Variants in ANKRD30A observed in about 807,000 individuals in gnomAD.
ANKRD30A encodes ankyrin repeat domain 30A.
In ANKRD30A, 170 loss-of-function variants were observed where a neutral mutation model predicts 166.3. That is an observed-to-expected ratio of 1.02 (90% CI 0.90 to 1.16). The LOEUF (loss-of-function observed/expected upper bound fraction) is 1.16, where lower values mean the gene tolerates loss of function less well. Ranked by LOEUF, ANKRD30A falls within the 50% of genes most tolerant of loss-of-function variation. The pLI is 0.00. For missense variants in ANKRD30A, 1,630 were observed against 1,518.0 expected, an observed-to-expected ratio of 1.07 and a Z score of -1.23; for synonymous variants, 564 against 508.9, an observed-to-expected ratio of 1.11 and a Z score of -1.46.
chr10:37,159,462 G>T (rs775004804), intron 15 of ANKRD30A, among the ~76,000 whole-genome samples: 1 of 152,088 alleles, frequency 6.6e-6, no homozygotes, highest in Non-Finnish European at 1.5e-5. Flanking sequence ...AAGTTGCAGT[G>T]AGCCGTCCTT....
intron 6 of ANKRD30A, among the ~76,000 whole-genome samples, chr10:37,139,531 T>A (rs371236306): frequency 2.6e-5 from 4 of 152,266 alleles, no homozygotes; most frequent in African/African-American, 9.6e-5. Flanking sequence ...TACCTTCCTT[T>A]GTATCCACTT....
intron 24 of ANKRD30A, chr10:37,178,406 C>T (rs1839902220): frequency 1.7e-6 from 1 of 577,288 alleles, no homozygotes; most frequent in South Asian, 6.8e-5. Flanking sequence ...AGCTGAAAAC[C>T]TTGTTAACAA....
the ANKRD30A span, among the ~76,000 whole-genome samples, chr10:37,258,811 A>C: frequency 3.3e-5 from 5 of 151,718 alleles, no homozygotes; most frequent in Admixed American, 3.3e-4. Context: ...AAAATACAAA[A>C]AATTAGCCAG....
intron 24 of ANKRD30A, among the ~76,000 whole-genome samples, chr10:37,179,556 T>G (rs1186461517): frequency 6.6e-6 from 1 of 150,464 alleles, no homozygotes; most frequent in Non-Finnish European, 1.5e-5. Context: ...TTATATTTAA[T>G]ATTATGCTCT....
At chr10:37,183,189 GA>G (rs1840151066) in intron 24 of ANKRD30A, among the ~76,000 whole-genome samples, 1 of 149,086 alleles carries the variant, frequency 6.7e-6, no homozygotes, top group Non-Finnish European at 1.5e-5. Context: ...ACACGAATTG[GA>G]AAAGTCCTAC....
chr10:37,240,856 G>T, the ANKRD30A span: 2 of 151,960 alleles, frequency 1.3e-5, no homozygotes, highest in African/African-American at 2.4e-5. Flanking sequence ...GTTTTTTCAG[G>T]TTATATAATA....
chr10:37,201,107 T>A (rs1285342890), intron 30 of ANKRD30A, 128 bp from the exon 31 acceptor site: 1 of 618,258 alleles, frequency 1.6e-6, no homozygotes, highest in East Asian at 4.4e-5. Flanking sequence ...TATACGTGTC[T>A]GCTCTTAAGT....
chr10:37,178,268 C>G (rs1392278696), intron 24 of ANKRD30A, among the ~76,000 whole-genome samples: 3 of 151,256 alleles, frequency 2.0e-5, no homozygotes, highest in Admixed American at 1.3e-4. Context: ...GGGATGGAAG[C>G]ACCTGACCAT....
chr10:37,140,451 G>A (rs1837020297), intron 6 of ANKRD30A, among the ~76,000 whole-genome samples: 1 of 152,218 alleles, frequency 6.6e-6, no homozygotes, highest in Non-Finnish European at 1.5e-5. Flanking sequence ...ACTGAATGCA[G>A]AAGTCAGAAA....
At chr10:37,159,513 A>G (rs900091082) in intron 15 of ANKRD30A, among the ~76,000 whole-genome samples, 12 of 152,130 alleles carry the variant, frequency 7.9e-5, no homozygotes, top group Non-Finnish European at 1.6e-4. Flanking sequence ...ACTCCATCTG[A>G]AAAAGCAAAG....
At chr10:37,233,193 A>G (rs1454261292), downstream of ANKRD30A, among the ~76,000 whole-genome samples, 2 of 152,128 alleles carry the variant, frequency 1.3e-5, no homozygotes, top group Admixed American at 1.3e-4. Context: ...CAATTAAATG[A>G]TTGTTTTAAT....
Position 37,192,999 on chromosome 10 carries a change from G to A in ANKRD30A, c.2513-65G>A, listed in dbSNP as rs192979318. The A allele has an allele frequency of 2.3e-3, 3,551 of 1,539,428 alleles. 87 individuals are homozygous for A. The African/African-American group carries it at 0.036, about 15-fold the overall frequency. On this transcript the variant is annotated intron_variant, in intron 25 of 35. Coordinates refer to ENST00000361713, the MANE Select transcript of ANKRD30A (RefSeq NM_052997.3). Reference sequence around the variant, plus strand: ...GGATTCATCTTCATGTTGACAGTGCGTGAATGTTCGGTAGGCTTTGTCAAG... The same window carrying A: ...GGATTCATCTTCATGTTGACAGTGCATGAATGTTCGGTAGGCTTTGTCAAG...
At chr10:37,158,780 A>G (rs1040067776) in intron 15 of ANKRD30A, among the ~76,000 whole-genome samples, 194 bp downstream of exon 15, 8 of 152,176 alleles carry the variant, frequency 5.3e-5, no homozygotes, top group African/African-American at 1.7e-4. Context: ...TTTAGAAAAA[A>G]AATTCTGCTT....
intron 4 of ANKRD30A, among the ~76,000 whole-genome samples, chr10:37,133,119 A>G (rs113371388): frequency 2.8e-4 from 43 of 152,334 alleles, no homozygotes; most frequent in African/African-American, 9.6e-4. Context: ...CTACGTGACT[A>G]TTAATTGCTA....
At chr10:37,200,877 G>A (rs1841568241) in intron 30 of ANKRD30A, among the ~76,000 whole-genome samples, 1 of 152,132 alleles carries the variant, frequency 6.6e-6, no homozygotes, top group South Asian at 2.1e-4. Context: ...AGTAGCAAGA[G>A]TATTGTATTT....
At chr10:37,254,786 C>T in the ANKRD30A span, among the ~76,000 whole-genome samples, 1 of 151,182 alleles carries the variant, frequency 6.6e-6, no homozygotes, top group African/African-American at 2.4e-5. Context: ...CGGGTTCACA[C>T]CATTCTCCTG....
At chr10:37,260,171 A>G in the ANKRD30A span, among the ~76,000 whole-genome samples, 1 of 152,090 alleles carries the variant, frequency 6.6e-6, no homozygotes, top group Non-Finnish European at 1.5e-5. Context: ...AAAAGAAAAA[A>G]TAGTGTTGCG....
chr10:37,205,832 A>G (rs1220165997), intron 31 of ANKRD30A, among the ~76,000 whole-genome samples: 2 of 152,208 alleles, frequency 1.3e-5, no homozygotes, highest in Non-Finnish European at 2.9e-5. Context: ...GAGGTCATGC[A>G]ATTTTAATAA....
chr10:37,159,259 G>A (rs1345205947), intron 15 of ANKRD30A, among the ~76,000 whole-genome samples: 1 of 152,154 alleles, frequency 6.6e-6, no homozygotes, highest in Non-Finnish European at 1.5e-5. Flanking sequence ...ACACGTGCCT[G>A]TAATCCTAGC....
Sources: gnomAD v4.1 joint callset for allele counts (sites outside exome capture counted in the v4.1 genomes callset) on GRCh38, gnomAD v4.1.1 for gene constraint, MANE v1.5 for transcripts, NCBI Gene and HGNC (gene_info 2026-07-23, HGNC 2026-07-21) for gene names.